The following DIP2C variants were observed in gnomAD, a reference collection of about 807,000 sequenced individuals.
DIP2C encodes disco-interacting protein 2 homolog C.
In DIP2C, 33 loss-of-function variants were observed where a neutral mutation model predicts 192.4. The observed-to-expected ratio is 0.17, with a 90% CI of 0.13 to 0.23. The LOEUF (loss-of-function observed/expected upper bound fraction) is 0.23, where lower values mean the gene tolerates loss of function less well. DIP2C is among the 10% of genes least tolerant of loss of function. DIP2C has a pLI of 1.00. For missense variants in DIP2C, 1,537 were observed against 2,110.1 expected (o/e 0.73, Z 5.32); for synonymous variants, 979 against 864.1 (o/e 1.13, Z -2.33).
intron 17 of DIP2C, among the ~76,000 whole-genome samples, chr10:374,231 T>C (rs1335224711): frequency 6.6e-6 from 1 of 152,204 alleles, no homozygotes; most frequent in African/African-American, 2.4e-5. Flanking sequence ...CAGCTGGAAA[T>C]GTATCTGTAA....
chr10:633,878 G>T (rs963429797), intron 1 of DIP2C, among the ~76,000 whole-genome samples: 1 of 152,228 alleles, frequency 6.6e-6, no homozygotes. Context: ...GAACATCTCT[G>T]AATAAATGCA....
rs755658110 is a variant in DIP2C at position 419,176 on chromosome 10, C to A, written c.628G>T (p.Val210Leu). The A allele has an allele frequency of 1.2e-6, 2 of 1,614,186 alleles. No homozygotes were observed. The highest frequency in any genetic ancestry group is 2.2e-5 in the South Asian group (2 of 91,078). Residue 210 changes from valine to leucine, a missense_variant, in exon 6 of 37, where the codon GTA becomes TTA. Val to Leu is a conservative substitution (Grantham distance 32). Around this residue, in one of 4 missense-constraint regions of DIP2C, gnomAD observed 473 missense variants for 539.6 expected, o/e 0.88. Transcript: ENST00000280886. Reference sequence around the variant, plus strand: ...GAGTGCTCTGAGGTGTACGTGGTTACGTCAGGAGGTGCAGAATGATTTTCT... The same window carrying A: ...GAGTGCTCTGAGGTGTACGTGGTTAAGTCAGGAGGTGCAGAATGATTTTCT... ...HIENHSAPPDVTTYTSEHSIQ... is the reference protein window; with the variant it reads ...HIENHSAPPDLTTYTSEHSIQ...
At chr10:410,963 C>T (rs1323409700) in intron 8 of DIP2C, among the ~76,000 whole-genome samples, 2 of 152,138 alleles carry the variant, frequency 1.3e-5, no homozygotes, top group South Asian at 2.1e-4. Context: ...ATTGTAATTT[C>T]GCTTGGCTTT....
intron 1 of DIP2C, among the ~76,000 whole-genome samples, chr10:517,798 CTT>C (rs999437048): frequency 7.9e-5 from 12 of 151,168 alleles, no homozygotes; most frequent in African/African-American, 3.0e-4. Context: ...TAAAAGGTCT[CTT>C]TATTAACAAC....
chr10:594,899 A>G lies in DIP2C; in HGVS notation c.85+94595T>C, dbSNP rs181314258. On this transcript the variant is annotated intron_variant, in intron 1 of 36. Transcript: ENST00000280886. ...GGGCTTTGACCTTGAGCTAATTAGC[A>G]TTAGCTAATTTCACTTCCCAGGACC... Among the ~76,000 whole-genome samples, 7 of 152,288 alleles carry G rather than the reference A, an allele frequency of 4.6e-5. No individual in the cohort carries two copies. The East Asian group carries it at 1.2e-3, about 25-fold the overall frequency.
chr10:582,768 C>G (rs527802756), intron 1 of DIP2C, among the ~76,000 whole-genome samples: 20 of 152,272 alleles, frequency 1.3e-4, no homozygotes, highest in African/African-American at 4.8e-4. Context: ...CGTGGCCGGC[C>G]TCTTCCTGGT....
intron 1 of DIP2C, among the ~76,000 whole-genome samples, chr10:658,587 C>A (rs1856555172): frequency 6.6e-6 from 1 of 152,222 alleles, no homozygotes; most frequent in Admixed American, 6.5e-5. Context: ...AACTGCATGT[C>A]TGCAACTAGA....
chr10:554,388 T>C lies in DIP2C; in HGVS notation c.86-67858A>G, dbSNP rs1848737330. Among the ~76,000 whole-genome samples the C allele has an allele frequency of 2.0e-5, 3 of 152,250 alleles. No individual in the cohort carries two copies. In the South Asian group the frequency reaches 6.2e-4, roughly 32 times the overall value. On this transcript the variant is annotated intron_variant, in intron 1 of 36. Coordinates refer to ENST00000280886, the MANE Select transcript of DIP2C (RefSeq NM_014974.3). Reference sequence around the variant, plus strand: ...AATGTTTCCTGGAGAAAGTAACCTTTTCTACAGTGATATCTGATCCTTATT... The same window carrying C: ...AATGTTTCCTGGAGAAAGTAACCTTCTCTACAGTGATATCTGATCCTTATT...
intron 1 of DIP2C, among the ~76,000 whole-genome samples, chr10:646,620 C>A (rs994332272): frequency 4.6e-5 from 7 of 152,212 alleles, no homozygotes; most frequent in African/African-American, 1.7e-4. Flanking sequence ...TTGGCTATAA[C>A]GTACATTAAT....
intron 7 of DIP2C, among the ~76,000 whole-genome samples, 166 bp from the exon 8 acceptor site, chr10:414,276 G>A (rs778837832): frequency 6.6e-6 from 1 of 152,142 alleles, no homozygotes; most frequent in Admixed American, 6.5e-5. Context: ...CTAGCATCAC[G>A]GATGCTGGTA....
chr10:527,474 T>C (rs796799019), intron 1 of DIP2C, among the ~76,000 whole-genome samples: 18 of 152,350 alleles, frequency 1.2e-4, no homozygotes, highest in African/African-American at 4.3e-4. Flanking sequence ...CAAAAAGATG[T>C]GGTGTTTATT....
At chr10:503,300 T>G (rs1023122610) in intron 1 of DIP2C, among the ~76,000 whole-genome samples, 3 of 152,020 alleles carry the variant, frequency 2.0e-5, no homozygotes, top group Non-Finnish European at 2.9e-5. Context: ...AAAAGTTACA[T>G]GAAAGGGAAA....
chr10:381,262 G>T (rs769661655), intron 17 of DIP2C, among the ~76,000 whole-genome samples: 3 of 152,184 alleles, frequency 2.0e-5, no homozygotes, highest in Non-Finnish European at 2.9e-5. Flanking sequence ...TGCATCATAT[G>T]CATGATAACG....
intron 3 of DIP2C, among the ~76,000 whole-genome samples, chr10:470,940 C>T (rs1762409273): frequency 6.6e-6 from 1 of 152,170 alleles, no homozygotes; most frequent in Non-Finnish European, 1.5e-5. Flanking sequence ...GACAGGGTGT[C>T]TGCATGGCAG....
intron 17 of DIP2C, among the ~76,000 whole-genome samples, chr10:378,151 CT>C (rs1961853263): frequency 6.6e-6 from 1 of 152,124 alleles, no homozygotes; most frequent in African/African-American, 2.4e-5. Flanking sequence ...CAATATTTTT[CT>C]ACTCTAAAAC....
chr10:538,973 G>C (rs1005867564), intron 1 of DIP2C, among the ~76,000 whole-genome samples: 3 of 148,788 alleles, frequency 2.0e-5, no homozygotes, highest in South Asian at 4.1e-4. Context: ...TGTGTTCTGT[G>C]AATCTGCTGT....
At chr10:541,674 A>T (rs1327941651) in intron 1 of DIP2C, among the ~76,000 whole-genome samples, 2 of 139,976 alleles carry the variant, frequency 1.4e-5, no homozygotes, top group African/African-American at 5.5e-5. Flanking sequence ...TCTCTCCTGG[A>T]ACCCCAAGAG....
At chr10:647,017 A>T (rs930026298) in intron 1 of DIP2C, among the ~76,000 whole-genome samples, 1 of 152,268 alleles carries the variant, frequency 6.6e-6, no homozygotes. Context: ...GAACAGAGGG[A>T]AACTGAGTCC....
chr10:509,886 T>C (rs1172095363), intron 1 of DIP2C, among the ~76,000 whole-genome samples: 1 of 152,154 alleles, frequency 6.6e-6, no homozygotes, highest in Admixed American at 6.5e-5. Flanking sequence ...CGCTGCAGCC[T>C]GTGGTGCTCA....
Sources: allele counts gnomAD v4.1 joint callset (sites outside exome capture counted in the v4.1 genomes callset), GRCh38; gene constraint gnomAD v4.1.1; regional missense constraint gnomAD v4.1.1; transcripts MANE v1.5; gene names NCBI Gene and HGNC (gene_info 2026-07-23, HGNC 2026-07-21).